Variants in ESR2 observed in about 807,000 individuals in gnomAD.
ESR2 encodes the protein estrogen receptor 2, also known as estrogen receptor beta.
ESR2 carries 36 observed loss-of-function variants against 49.6 expected under a neutral mutation model. The ratio of observed to expected loss-of-function variants is 0.73; its 90% CI spans 0.56 to 0.96. ESR2 has a LOEUF of 0.96. ESR2 is among the 40% of genes least tolerant of loss of function. The pLI is 0.00. For synonymous variants in ESR2, 320 were observed against 266.1 expected, an observed-to-expected ratio of 1.20 and a Z score of -1.97; for missense variants, 714 against 693.0, an observed-to-expected ratio of 1.03 and a Z score of -0.34.
At chr14:64,306,176 T>C (rs1006705199) in intron 1 of ESR2, among the ~76,000 whole-genome samples, 2 of 148,950 alleles carry the variant, frequency 1.3e-5, no homozygotes, top group Admixed American at 6.8e-5. Flanking sequence ...CACTCCAGCC[T>C]GGGTGACAAG....
At chr14:64,270,916 C>T (rs181333303) in intron 3 of ESR2, among the ~76,000 whole-genome samples, 14 of 152,324 alleles carry the variant, frequency 9.2e-5, no homozygotes, top group Admixed American at 9.2e-4. Context: ...TCTGCACTTC[C>T]ATGTTTGTTG....
intron 1 of ESR2, chr14:64,330,670 A>C (rs577338528): frequency 2.0e-5 from 3 of 152,448 alleles, no homozygotes; most frequent in African/African-American, 7.2e-5. Context: ...CTCAAAGTCC[A>C]CCGATCTAAA....
At chr14:64,311,971 G>C (rs765662107) in intron 1 of ESR2, among the ~76,000 whole-genome samples, 12 of 152,162 alleles carry the variant, frequency 7.9e-5, no homozygotes, top group South Asian at 4.1e-4. Context: ...TCCTTCTCTT[G>C]AGTTTTCTAA....
At chr14:64,233,441 C>G (rs2098729276) in intron 8 of ESR2, 118 bp from the exon 9 acceptor site, 3 of 945,888 alleles carry the variant, frequency 3.2e-6, no homozygotes, top group Non-Finnish European at 3.2e-6. Context: ...CCCACTCTTC[C>G]CCCAGCCCAT....
downstream of ESR2, chr14:64,228,008 G>A (rs753289405): frequency 6.6e-7 from 1 of 1,526,094 alleles, no homozygotes; most frequent in East Asian, 2.3e-5. Flanking sequence ...TGGATACCAG[G>A]ACTTTTGTGA....
intron 7 of ESR2, among the ~76,000 whole-genome samples, chr14:64,238,451 A>G (rs17101742): frequency 0.013 from 1,990 of 152,332 alleles, 44 homozygotes; most frequent in African/African-American, 0.046. Context: ...ATACCCTCCC[A>G]GAAAAGAACT....
chr14:64,275,951 A>C (rs2076550309), intron 3 of ESR2, among the ~76,000 whole-genome samples: 1 of 152,228 alleles, frequency 6.6e-6, no homozygotes, highest in African/African-American at 2.4e-5. Flanking sequence ...TTTATTAAGT[A>C]AAATGATGTG....
At chr14:64,292,279 C>T (rs905410552) in intron 1 of ESR2, among the ~76,000 whole-genome samples, 6 of 152,116 alleles carry the variant, frequency 3.9e-5, no homozygotes, top group African/African-American at 1.2e-4. Flanking sequence ...AAGAGCAAAA[C>T]CACATAATCA....
intron 1 of ESR2, among the ~76,000 whole-genome samples, chr14:64,302,595 C>T (rs896975124): frequency 6.6e-6 from 1 of 152,110 alleles, no homozygotes; most frequent in Non-Finnish European, 1.5e-5. Context: ...ACACAAGCCA[C>T]TGGGTGATTT....
At chr14:64,334,077 T>G (rs1213818231) in intron 1 of ESR2, among the ~76,000 whole-genome samples, 2 of 152,178 alleles carry the variant, frequency 1.3e-5, no homozygotes, top group African/African-American at 2.4e-5. Flanking sequence ...TAAAAATTAT[T>G]TTTTAAAAGA....
chr14:64,287,729 A>G (rs965990951), intron 1 of ESR2, among the ~76,000 whole-genome samples: 1 of 152,226 alleles, frequency 6.6e-6, no homozygotes, highest in African/African-American at 2.4e-5. Flanking sequence ...GTCTGTAAAA[A>G]TAAGTCAACA....
intron 5 of ESR2, among the ~76,000 whole-genome samples, chr14:64,258,253 C>A (rs563003239): frequency 1.6e-4 from 24 of 152,070 alleles, no homozygotes; most frequent in African/African-American, 5.8e-4. Flanking sequence ...AATATAATAA[C>A]GAAGCAGGTC....
chr14:64,322,597 G>C (rs1208683854), intron 1 of ESR2, among the ~76,000 whole-genome samples: 1 of 150,248 alleles, frequency 6.7e-6, no homozygotes, highest in Non-Finnish European at 1.5e-5. Flanking sequence ...GAGGTACCTT[G>C]TTTTTTGTTT....
chr14:64,286,835 G>A (rs538500000), intron 1 of ESR2, among the ~76,000 whole-genome samples: 210 of 152,084 alleles, frequency 1.4e-3, no homozygotes, highest in African/African-American at 4.8e-3. Flanking sequence ...CCCTGCCTCA[G>A]CCTCACAATT....
chr14:64,247,348 CA>C (rs1225082613), intron 7 of ESR2, among the ~76,000 whole-genome samples: 1 of 144,894 alleles, frequency 6.9e-6, no homozygotes. Context: ...AACAAACAAA[CA>C]AAAAAACTAG....
At chr14:64,261,296 G>A (rs1439617058) in intron 4 of ESR2, among the ~76,000 whole-genome samples, 1 of 134,060 alleles carries the variant, frequency 7.5e-6, no homozygotes, top group Non-Finnish European at 1.5e-5. Flanking sequence ...GGAGTGCAGT[G>A]GTGTGATCTC....
intron 1 of ESR2, among the ~76,000 whole-genome samples, chr14:64,331,967 C>T (rs2140907925): frequency 6.6e-6 from 1 of 151,676 alleles, no homozygotes; most frequent in South Asian, 2.1e-4. Flanking sequence ...GCACTAAAGA[C>T]AAAAACTGAT....
At chr14:64,227,490 G>A (rs536416058), downstream of ESR2, 2 of 1,603,614 alleles carry the variant, frequency 1.2e-6, no homozygotes, top group Non-Finnish European at 1.7e-6. Context: ...AAGTGAAAAT[G>A]TTACCCAAGA....
intron 3 of ESR2, among the ~76,000 whole-genome samples, chr14:64,272,465 A>G (rs1228758219): frequency 1.3e-5 from 2 of 152,066 alleles, no homozygotes; most frequent in Non-Finnish European, 2.9e-5. Flanking sequence ...CTCAAGAAAT[A>G]TTTGCCCCAC....
Sources: allele counts gnomAD v4.1 joint callset (sites outside exome capture counted in the v4.1 genomes callset), GRCh38; gene constraint gnomAD v4.1.1; transcripts MANE v1.5; gene names NCBI Gene and HGNC (gene_info 2026-07-23, HGNC 2026-07-21).